Variants in TMC8 observed in about 807,000 individuals in gnomAD.
TMC8 encodes transmembrane channel like 8, also known as transmembrane channel-like protein 8.
In TMC8, 71 loss-of-function variants were observed where a neutral mutation model predicts 76.0. The ratio of observed to expected loss-of-function variants is 0.93; its 90% CI spans 0.77 to 1.14. The LOEUF is 1.14. TMC8 is among the 50% of genes most tolerant of loss of function. The pLI is 0.00. For missense variants in TMC8, 924 were observed against 947.9 expected (o/e 0.97, Z 0.33); for synonymous variants, 433 against 433.8 (o/e 1.00, Z 0.02).
chr17:78,134,934 G>A lies in TMC8; in HGVS notation c.1052G>A (p.Gly351Asp). The change falls in exon 9 of 16, where the codon GGT becomes GAT. Residue 351 changes from glycine (G) to aspartate (D), a missense_variant. Transcript: ENST00000318430. ...PGVIALVNFLGPLLFTFLVQL... is the reference protein window; with the variant it reads ...PGVIALVNFLDPLLFTFLVQL... Reference sequence around the variant, plus strand: ...GTCATCGCCCTGGTCAACTTCCTGGGTCCCCTGCTGTTCACATTTCTGGTC... The same window carrying A: ...GTCATCGCCCTGGTCAACTTCCTGGATCCCCTGCTGTTCACATTTCTGGTC... 2 of 1,614,130 alleles carry A rather than the reference G, an allele frequency of 1.2e-6. No homozygotes were observed. The highest frequency in any genetic ancestry group is 2.2e-5 in the East Asian group (1 of 44,888).
Position 78,138,595 on chromosome 17 carries a change from C to T in TMC8, c.1686C>T (p.Cys562=), listed in dbSNP as rs142857824. The T allele has an allele frequency of 1.9e-3, 2,990 of 1,613,962 alleles. 57 individuals carry two copies. In the African/African-American group the frequency reaches 0.034, roughly 18 times the overall value. Residue 562 remains cysteine (C), a synonymous_variant, in exon 14 of 16, where the codon TGC becomes TGT. Transcript: ENST00000318430. ...CCAGCATCCACTCCTCCTGGGACTG[C>T]GGCCTCTTCACCAACTACTCAGCAC... ...VVSSIHSSWD[C]GLFTNYSAPW...
intron 5 of TMC8, 29 bp from the exon 6 acceptor site, chr17:78,133,377 G>C (rs201684604): frequency 6.2e-7 from 1 of 1,613,400 alleles, no homozygotes. Context: ...GTGCTCACCC[G>C]GGCTGGGTAT....
Position 78,142,656 on chromosome 17 carries a change from A to T in TMC8, c.*1544A>T, listed in dbSNP as rs1256385674. On this transcript the variant is annotated 3_prime_UTR_variant, in exon 16 of 16. Transcript: ENST00000318430. The stretch of plus-strand genomic sequence containing the variant: ...CGAGGGGGCGACAAGCCTGGACCAG[A>T]TGAAAGTGACTCATGTTGTTAATTA... The T allele has an allele frequency of 3.9e-5, 6 of 152,504 alleles. No individual in the cohort carries two copies. The East Asian group carries it at 9.6e-4, about 24-fold the overall frequency. The allele number at this position is 152,504 out of a possible 1,614,324, so 9.4% of individuals were successfully genotyped here. A position where few individuals can be genotyped will look rare whatever the true frequency, so the allele number is the denominator to read the frequency against.
chr17:78,140,881 GC>G lies in TMC8; in HGVS notation c.1952del (p.Pro651ArgfsTer139). ...TGGTGGAGGACCTGTCGCGACTGCT[GC>G]CGGAGCCAGGCCCGAGCGACTCTCC... ...HLVEDLSRLL[P>X]EPGPSDSPGP... On this transcript the variant is annotated frameshift_variant, in exon 16 of 16. Transcript: ENST00000318430. LOFTEE classifies it low-confidence loss of function (END_TRUNC). The G allele has an allele frequency of 6.2e-7, 1 of 1,609,900 alleles. No individual in the cohort carries two copies. Among genetic ancestry groups the G allele is most frequent in the Non-Finnish European group, 8.5e-7 (1 of 1,178,864 alleles).
rs1046014409 is a variant in TMC8 at position 78,138,114 on chromosome 17, A to T, written c.1459A>T (p.Met487Leu). The T allele has an allele frequency of 1.2e-6, 2 of 1,613,792 alleles. No individual in the cohort carries two copies. The highest frequency in any genetic ancestry group is 8.5e-7 in the Non-Finnish European group (1 of 1,179,986). ...DIVAGQTVTW[M>L]GLFYCPLLPL... is the part of the protein sequence containing the mutation. Reference sequence around the variant, plus strand: ...CGTGGCGGGGCAGACGGTCACCTGGATGGGCCTCTTCTACTGCCCCCTGCT... The same window carrying T: ...CGTGGCGGGGCAGACGGTCACCTGGTTGGGCCTCTTCTACTGCCCCCTGCT... Residue 487 changes from methionine (M) to leucine (L), a missense_variant, in exon 12 of 16, where the codon ATG becomes TTG. Met to Leu is a conservative substitution (Grantham distance 15). Transcript: ENST00000318430.
Position 78,131,706 on chromosome 17 carries a change from C to A in TMC8, c.118C>A (p.Pro40Thr), listed in dbSNP as rs374017520. The change falls in exon 2 of 16, where the codon CCC becomes ACC. Residue 40 changes from proline (P) to threonine (T), a missense_variant. Transcript: ENST00000318430. ...RGSGTPVRGL[P>T]YAMMDKRLIW... ...CTCTGGGACGCCCGTGCGCGGGCTG[C>A]CCTATGCCATGATGGACAAGCGCCT... 1 of 1,582,882 alleles carries A rather than the reference C, an allele frequency of 6.3e-7. No homozygotes were observed. The highest frequency in any genetic ancestry group is 1.2e-5 in the South Asian group (1 of 86,692).
chr17:78,132,757 C>T (rs1198289792), intron 4 of TMC8, 31 bp from the exon 5 acceptor site: 2 of 1,605,850 alleles, frequency 1.2e-6, no homozygotes, highest in African/African-American at 2.7e-5. Flanking sequence ...CTTGGGGATC[C>T]CTCTCTATTG....
intron 9 of TMC8, 61 bp downstream of exon 9, chr17:78,135,070 C>T: frequency 6.2e-7 from 1 of 1,608,936 alleles, no homozygotes; most frequent in Non-Finnish European, 8.5e-7. Context: ...CTGCTGCTCT[C>T]TTTTGGTTGT....
At position 78,132,832 on chromosome 17, in the gene TMC8, A is replaced by G; in HGVS notation, c.493A>G (p.Arg165Gly). Reference sequence around the variant, plus strand: ...CCGCCAGTCCCCGCCTGGCGTTTTGAGGTTCCACAATCAACTTTGGCATGT... The same window carrying G: ...CCGCCAGTCCCCGCCTGGCGTTTTGGGGTTCCACAATCAACTTTGGCATGT... The part of the protein sequence containing the change: ...GSRQSPPGVL[R>G]FHNQLWHVLT... Residue 165 changes from arginine to glycine, a missense_variant, in exon 5 of 16, where the codon AGG (arginine) becomes GGG (glycine). Transcript: ENST00000318430. The G allele has an allele frequency of 1.2e-6, 2 of 1,614,100 alleles. No individual in the cohort carries two copies. The highest frequency in any genetic ancestry group is 1.7e-6 in the Non-Finnish European group (2 of 1,179,996).
At chr17:78,138,250 C>A (rs558831337) in intron 12 of TMC8, 62 bp downstream of exon 12, 1 of 1,612,588 alleles carries the variant, frequency 6.2e-7, no homozygotes, top group African/African-American at 1.3e-5. Context: ...TTGAGCTGGG[C>A]TCGCCTCCTG....
chr17:78,131,470 C>CCGCCCCCAGCCCAGCGTGCA lies in TMC8; in HGVS notation c.-117_-98dup. 7.0e-7 allele frequency: 1 copy of CCGCCCCCAGCCCAGCGTGCA among 1,425,096 alleles called. No homozygotes were observed. Among genetic ancestry groups the CCGCCCCCAGCCCAGCGTGCA allele is most frequent in the South Asian group, 1.2e-5 (1 of 81,036 alleles). The allele number at this position is 1,425,096 out of a possible 1,614,324, so 88.3% of individuals were successfully genotyped here. On this transcript the variant is annotated 5_prime_UTR_variant, in exon 2 of 16. The change abolishes the stop of an existing upstream ORF in the 5' untranslated region. Transcript: ENST00000318430. ...GCCGGCGCAGAGGGGACGGAAGGGC[C>CCGCCCCCAGCCCAGCGTGCA]CGCCCCCAGCCCAGCGTGCACAGAG...
chr17:78,131,774 G>T (rs1169034010), intron 2 of TMC8, 37 bp downstream of exon 2: 4 of 1,559,700 alleles, frequency 2.6e-6, no homozygotes, highest in East Asian at 2.4e-5. Flanking sequence ...TGCGTGGGGG[G>T]GGTGCTGCGA....
chr17:78,131,437 G>GA lies in TMC8; in HGVS notation c.-152_-151insA, dbSNP rs2074961507. The stretch of plus-strand genomic sequence containing the variant: ...GAACCCTAGGGCTGCAGGAGCCCAG[G>GA]CCCCGACGCCGGCGCAGAGGGGACG... On this transcript the variant is annotated 5_prime_UTR_variant, in exon 2 of 16. It removes the in-frame stop codon of an upstream open reading frame in the 5' UTR. Transcript: ENST00000318430. 4.5e-6 allele frequency: 5 copies of GA among 1,101,588 alleles called. No individual in the cohort carries two copies. The Admixed American group carries it at 6.4e-5, about 14-fold the overall frequency. The allele number at this position is 1,101,588 out of a possible 1,614,324, so 68.2% of individuals were successfully genotyped here.
chr17:78,134,672 C>T lies in TMC8; in HGVS notation c.987+108C>T, dbSNP rs1215356513. 14 of 1,537,474 alleles carry T rather than the reference C, an allele frequency of 9.1e-6. 1 individual carries two copies. The highest frequency in any genetic ancestry group is 4.6e-5 in the South Asian group (4 of 86,364). ...CGAGGCTCAGAGAGGTTCAATCGGTCGTGGCCACAGGTCACGGCCAAGGCA... is the reference window on the plus strand; with the variant it reads ...CGAGGCTCAGAGAGGTTCAATCGGTTGTGGCCACAGGTCACGGCCAAGGCA... On this transcript the variant is annotated intron_variant, in intron 8 of 15. Coordinates refer to ENST00000318430, the MANE Select transcript of TMC8 (RefSeq NM_152468.5).
At chr17:78,136,004 A>T (rs2075218057) in intron 9 of TMC8, among the ~76,000 whole-genome samples, 1 of 152,202 alleles carries the variant, frequency 6.6e-6, no homozygotes, top group African/African-American at 2.4e-5. Flanking sequence ...CAGTGAGCAG[A>T]GATTGCGCCA....
rs762098539 is a variant in TMC8 at position 78,138,194 on chromosome 17, G to A, written c.1533+6G>A. On this transcript the variant is annotated splice_donor_region_variant and intron_variant, in intron 12 of 15. Coordinates refer to ENST00000318430, the MANE Select transcript of TMC8 (RefSeq NM_152468.5). ...TCACCTTCTACATCAAGAAGGTGAC[G>A]GCTCATGGCTGGGGGGTATGGGGTT... 18 of 1,613,590 alleles carry A rather than the reference G, an allele frequency of 1.1e-5. No individual in the cohort carries two copies. Among genetic ancestry groups the A allele is most frequent in the African/African-American group, 4.0e-5 (3 of 74,848 alleles).
At position 78,134,456 on chromosome 17, in the gene TMC8, C is replaced by T. The variant is rs752766248; in HGVS notation, c.879C>T (p.Ala293=). ...AGCAGCAGACCCGGGCCCAGACGGC[C>T]TGCCGCCTGCTCTCCTACCTGCGGG... ...LMQQQTRAQT[A]CRLLSYLRVN... Residue 293 remains alanine, a synonymous_variant, in exon 8 of 16, where the codon GCC becomes GCT. Coordinates refer to ENST00000318430, the MANE Select transcript of TMC8 (RefSeq NM_152468.5). 23 of 1,613,848 alleles carry T rather than the reference C, an allele frequency of 1.4e-5. No individual in the cohort carries two copies. Among genetic ancestry groups the T allele is most frequent in the Non-Finnish European group, 1.9e-5 (22 of 1,180,024 alleles).
chr17:78,136,617 T>C (rs1417152807), intron 9 of TMC8: 5 of 176,652 alleles, frequency 2.8e-5, no homozygotes. Context: ...TCAATGTCCA[T>C]AGGCGGCGGA....
intron 10 of TMC8, 65 bp downstream of exon 10, chr17:78,137,423 G>C: frequency 1.2e-6 from 2 of 1,611,142 alleles, no homozygotes; most frequent in South Asian, 1.1e-5. Flanking sequence ...ACCTCAAACT[G>C]TGCAGAGCCC....
Sources: allele counts gnomAD v4.1 joint callset (sites outside exome capture counted in the v4.1 genomes callset), GRCh38; gene constraint gnomAD v4.1.1; transcripts MANE v1.5; gene names NCBI Gene and HGNC (gene_info 2026-07-23, HGNC 2026-07-21).